SLC61A1: variants seen among roughly 807,000 people sequenced by gnomAD.
SLC61A1 encodes major facilitator superfamily domain containing 5.
the SLC61A1 span, chr12:53,252,707 G>A: frequency 8.2e-5 from 109 of 1,334,776 alleles, 1 homozygote; most frequent in South Asian, 1.5e-3. Flanking sequence ...TGAGATCTTG[G>A]GGAGTGGAGT....
the SLC61A1 span, chr12:53,253,521 A>G: frequency 1.2e-6 from 2 of 1,614,188 alleles, no homozygotes; most frequent in Non-Finnish European, 1.7e-6. Flanking sequence ...TATGACCGGC[A>G]GCGTGCCTTC....
At chr12:53,252,986 C>G in the SLC61A1 span, 1 of 1,614,232 alleles carries the variant, frequency 6.2e-7, no homozygotes, top group Non-Finnish European at 8.5e-7. Context: ...GGTCTACTTC[C>G]TGGCCCTGGC....
chr12:53,253,149 A>G, the SLC61A1 span: 3 of 1,614,094 alleles, frequency 1.9e-6, no homozygotes, highest in South Asian at 1.1e-5. Flanking sequence ...CTGGGTCGCA[A>G]GAATTCTTGT....
chr12:53,253,812 T>A, the SLC61A1 span: 1 of 1,614,114 alleles, frequency 6.2e-7, no homozygotes, highest in Non-Finnish European at 8.5e-7. Context: ...GTCTTCTCTC[T>A]CTTCATGTTG....
chr12:53,253,085 G>A, the SLC61A1 span: 2 of 1,614,128 alleles, frequency 1.2e-6, no homozygotes, highest in East Asian at 2.2e-5. Flanking sequence ...CTATGTCTGT[G>A]GCCTTGCCTC....
chr12:53,253,629 T>A, the SLC61A1 span: 2 of 1,614,068 alleles, frequency 1.2e-6, no homozygotes, highest in Non-Finnish European at 1.7e-6. Flanking sequence ...GTCATCTTCA[T>A]CTTTGTCTTC....
At chr12:53,252,127 G>A in the SLC61A1 span, 4 of 1,441,592 alleles carry the variant, frequency 2.8e-6, no homozygotes, top group African/African-American at 1.4e-5. Context: ...GCGGCCAGAG[G>A]CCTGCCCGGC....
At chr12:53,252,816 A>C in the SLC61A1 span, 1 of 1,612,676 alleles carries the variant, frequency 6.2e-7, no homozygotes, top group African/African-American at 1.3e-5. Flanking sequence ...CTCTCTTCCC[A>C]GGTCGTCCGG....
chr12:53,252,881 T>C, the SLC61A1 span: 1 of 1,614,170 alleles, frequency 6.2e-7, no homozygotes, highest in Non-Finnish European at 8.5e-7. Flanking sequence ...CCTGGCCTCC[T>C]GCCTGGGGCT....
chr12:53,253,855 G>T, the SLC61A1 span: 1 of 1,614,166 alleles, frequency 6.2e-7, no homozygotes, highest in Non-Finnish European at 8.5e-7. Context: ...AGGAGAGTCC[G>T]GTGGAGTCCT....
At chr12:53,252,970 C>A in the SLC61A1 span, 1 of 1,614,222 alleles carries the variant, frequency 6.2e-7, no homozygotes, top group Non-Finnish European at 8.5e-7. Flanking sequence ...AACTGGACTT[C>A]TATCAGGTCT....
chr12:53,253,303 C>T, the SLC61A1 span: 34 of 1,614,268 alleles, frequency 2.1e-5, no homozygotes, highest in East Asian at 8.9e-5. Context: ...TCCATGAGCA[C>T]GTGGAACGGC....
chr12:53,252,126 G>A, the SLC61A1 span: 5 of 1,441,460 alleles, frequency 3.5e-6, no homozygotes, highest in East Asian at 5.0e-5. Flanking sequence ...GGCGGCCAGA[G>A]GCCTGCCCGG....
chr12:53,253,178 TACTC>T, the SLC61A1 span: 3 of 1,614,260 alleles, frequency 1.9e-6, no homozygotes, highest in Non-Finnish European at 1.7e-6. Context: ...CTCCCTGACT[TACTC>T]ACTATGCTGC....
chr12:53,254,061 T>C, the SLC61A1 span: 1 of 1,614,210 alleles, frequency 6.2e-7, no homozygotes, highest in Non-Finnish European at 8.5e-7. Context: ...CGGAATATGT[T>C]CAGCATTTGC....
the SLC61A1 span, chr12:53,254,328 G>C: frequency 9.5e-7 from 1 of 1,054,944 alleles, no homozygotes; most frequent in Admixed American, 2.9e-5. Flanking sequence ...ACATGATGGG[G>C]GTGATGGACT....
At chr12:53,253,616 A>G in the SLC61A1 span, 1 of 1,613,808 alleles carries the variant, frequency 6.2e-7, no homozygotes, top group South Asian at 1.1e-5. Flanking sequence ...TCTATTTGAG[A>G]GTGTCATCTT....
chr12:53,254,042 A>G, the SLC61A1 span: 1 of 1,614,110 alleles, frequency 6.2e-7, no homozygotes, highest in South Asian at 1.1e-5. Context: ...TGATCGAAAA[A>G]CAGGCACTCG....
the SLC61A1 span, chr12:53,252,533 T>G: frequency 7.3e-7 from 1 of 1,369,128 alleles, no homozygotes; most frequent in Non-Finnish European, 9.4e-7. Context: ...GCAGTAGAAT[T>G]TGCGGGAGCG....
Sources: gnomAD v4.1 joint callset for allele counts on GRCh38, gnomAD v4.1.1 for gene constraint, MANE v1.5 for transcripts, NCBI Gene and HGNC (gene_info 2026-07-23, HGNC 2026-07-21) for gene names.